RALGDS: variants seen among roughly 807,000 people sequenced by gnomAD.
RALGDS encodes ral guanine nucleotide exchange factor.
In RALGDS, 44 loss-of-function variants were observed where a neutral mutation model predicts 99.8. The observed-to-expected ratio is 0.44, with a 90% CI of 0.35 to 0.57. RALGDS has a LOEUF of 0.57. Among genes scored for constraint, RALGDS ranks in the 20% least tolerant of loss-of-function variants. The pLI is 0.01. For synonymous variants in RALGDS, 529 were observed against 505.0 expected (o/e 1.05, Z -0.64); for missense variants, 1,022 against 1,203.1 (o/e 0.85, Z 2.23).
In RALGDS at chr9:133,100,272, G is replaced by C. The variant is rs1430786986; in HGVS notation, c.2565C>G (p.Asp855Glu). 2.5e-6 allele frequency: 4 copies of C among 1,614,060 alleles called. No homozygotes were observed. Among genetic ancestry groups the C allele is most frequent in the Non-Finnish European group, 3.4e-6 (4 of 1,179,906 alleles). Reference protein sequence around the residue: ...DYELLQILSDDRKLKIPENAN... With the variant: ...DYELLQILSDERKLKIPENAN... Reference sequence around the variant, plus strand: ...CCCTCTGGTCTTCTGACTTACTCCGGTCATCTGAGAGAATCTGCAGCAGCT... The same window carrying C: ...CCCTCTGGTCTTCTGACTTACTCCGCTCATCTGAGAGAATCTGCAGCAGCT... Residue 855 changes from aspartate to glutamate, a missense_variant, in exon 17 of 18, where the codon GAC becomes GAG. By Grantham distance (45) the Asp-to-Glu change is conservative. Transcript: ENST00000372050.
upstream of RALGDS, among the ~76,000 whole-genome samples, chr9:133,132,957 G>A (rs1405441381): frequency 2.0e-5 from 3 of 152,192 alleles, no homozygotes; most frequent in Non-Finnish European, 2.9e-5. Flanking sequence ...AACTTTCATA[G>A]TGGGGGTGGG....
At chr9:133,131,232 T>C, upstream of RALGDS, 2 of 911,494 alleles carry the variant, frequency 2.2e-6, no homozygotes, top group Non-Finnish European at 2.7e-6. Flanking sequence ...GCCTGGGAGC[T>C]CTGCCACCCT....
At position 133,142,640 on chromosome 9, in the gene RALGDS, G is replaced by C. The variant is rs73660453; in HGVS notation, c.18+6323C>G. On this transcript the variant is annotated intron_variant, in intron 1 of 17. Coordinates refer to the RALGDS transcript ENST00000393160. Reference sequence around the variant, plus strand: ...AGCTCACACCCCACCCCTATGGGGGGGCCCACATACCCCTGGCCCTAAGAC... The same window carrying C: ...AGCTCACACCCCACCCCTATGGGGGCGCCCACATACCCCTGGCCCTAAGAC... Among the ~76,000 whole-genome samples the C allele has an allele frequency of 3.8e-3, 584 of 152,252 alleles. 5 individuals are homozygous for C. Among genetic ancestry groups the C allele is most frequent in the African/African-American group, 0.013 (556 of 41,530 alleles).
intron 7 of RALGDS, 59 bp downstream of exon 7, chr9:133,107,026 A>T: frequency 1.3e-6 from 2 of 1,584,082 alleles, no homozygotes; most frequent in Non-Finnish European, 1.7e-6. Flanking sequence ...TGGACTGCAG[A>T]CCACAACCTG....
chr9:133,118,268 T>C (rs1831717894), intron 1 of RALGDS, among the ~76,000 whole-genome samples: 1 of 152,218 alleles, frequency 6.6e-6, no homozygotes, highest in Admixed American at 6.5e-5. Flanking sequence ...AGTGTCAAAG[T>C]GCTCATGAGC....
intron 1 of RALGDS, among the ~76,000 whole-genome samples, chr9:133,116,403 G>A (rs557653310): frequency 2.6e-5 from 4 of 152,220 alleles, no homozygotes; most frequent in Non-Finnish European, 5.9e-5. Flanking sequence ...CGCAAAGGCC[G>A]GCCCATCTCT....
intron 9 of RALGDS, among the ~76,000 whole-genome samples, chr9:133,105,496 G>T (rs1830972734): frequency 1.3e-5 from 2 of 152,272 alleles, no homozygotes; most frequent in South Asian, 4.1e-4. Context: ...TGTCCCTGGG[G>T]TAGGCAGGCT....
chr9:133,135,817 T>A (rs754721816), upstream of RALGDS, among the ~76,000 whole-genome samples: 29 of 152,202 alleles, frequency 1.9e-4, no homozygotes, highest in Admixed American at 7.2e-4. Context: ...GCCTGGCACA[T>A]GCTCCGTGTC....
chr9:133,143,751 A>C (rs1368895825), intron 1 of RALGDS, among the ~76,000 whole-genome samples: 1 of 103,724 alleles, frequency 9.6e-6, no homozygotes, highest in African/African-American at 4.7e-5. Flanking sequence ...TAATAATAAT[A>C]ATAATAATAA....
upstream of RALGDS, among the ~76,000 whole-genome samples, chr9:133,125,859 T>A (rs2119234453): frequency 6.6e-6 from 1 of 152,246 alleles, no homozygotes; most frequent in East Asian, 1.9e-4. Flanking sequence ...AGGCTCACCG[T>A]TTCCTGTATT....
intron 1 of RALGDS, among the ~76,000 whole-genome samples, chr9:133,117,543 G>T (rs1360820963): frequency 2.6e-5 from 4 of 152,232 alleles, no homozygotes; most frequent in Admixed American, 2.0e-4. Flanking sequence ...TGCCTCCCCC[G>T]CCCGTGGGCA....
chr9:133,099,945 TG>T, intron 17 of RALGDS: 1 of 399,134 alleles, frequency 2.5e-6, no homozygotes, highest in Non-Finnish European at 4.7e-6. Context: ...GTAGAGCACA[TG>T]TTTTCTTGTC....
intron 1 of RALGDS, among the ~76,000 whole-genome samples, chr9:133,126,329 G>T (rs1349226472): frequency 6.6e-6 from 1 of 152,188 alleles, no homozygotes; most frequent in East Asian, 1.9e-4. Flanking sequence ...GCTCGCAGAG[G>T]AACTTTAAAA....
intron 1 of RALGDS, among the ~76,000 whole-genome samples, chr9:133,128,042 G>A (rs1394637706): frequency 2.0e-5 from 3 of 152,178 alleles, no homozygotes; most frequent in Admixed American, 6.5e-5. Context: ...GGCACGCAGA[G>A]GAACAAACGT....
chr9:133,128,490 C>T (rs1181986955), intron 1 of RALGDS, among the ~76,000 whole-genome samples: 6 of 152,194 alleles, frequency 3.9e-5, no homozygotes, highest in Non-Finnish European at 8.8e-5. Context: ...GGGGCCCCGG[C>T]ATCCATGATC....
intron 1 of RALGDS, among the ~76,000 whole-genome samples, chr9:133,116,756 A>G (rs998469877): frequency 5.3e-5 from 8 of 152,246 alleles, no homozygotes; most frequent in African/African-American, 1.9e-4. Flanking sequence ...CTGATGGACA[A>G]GGAAACAGCC....
chr9:133,110,020 G>C (rs755982598), intron 3 of RALGDS, among the ~76,000 whole-genome samples: 16 of 152,298 alleles, frequency 1.1e-4, no homozygotes, highest in Admixed American at 7.2e-4. Flanking sequence ...TTGGGGCAGA[G>C]AGCTTCCCCA....
chr9:133,101,377 T>G (rs774651134), intron 16 of RALGDS, 143 bp downstream of exon 16: 4 of 1,550,390 alleles, frequency 2.6e-6, no homozygotes, highest in Non-Finnish European at 3.5e-6. Flanking sequence ...GATCACTACC[T>G]TCTTCATTTC....
chr9:133,105,854 CGCCCCAGCCCCAG>C, intron 9 of RALGDS, 65 bp downstream of exon 9: 1 of 11,380 alleles, frequency 8.8e-5, no homozygotes. Context: ...CCCCAGCCCC[CGCCCCAGCCCCAG>C]CCCCCGCCCC....
Sources: allele counts gnomAD v4.1 joint callset (sites outside exome capture counted in the v4.1 genomes callset), GRCh38; gene constraint gnomAD v4.1.1; transcripts MANE v1.5; gene names NCBI Gene and HGNC (gene_info 2026-07-23, HGNC 2026-07-21).